Variants in SELENOT observed in about 807,000 individuals in gnomAD.
The protein encoded by SELENOT is thioredoxin reductase-like selenoprotein T.
A neutral mutation model predicts 24.3 loss-of-function variants in SELENOT; 9 were observed. The ratio of observed to expected loss-of-function variants is 0.37; its 90% CI spans 0.22 to 0.65. The LOEUF is 0.65. SELENOT is among the 30% of genes least tolerant of loss of function. SELENOT has a pLI of 0.60. For missense variants in SELENOT, 166 were observed against 247.6 expected, an observed-to-expected ratio of 0.67 and a Z score of 2.21; for synonymous variants, 81 against 86.0, an observed-to-expected ratio of 0.94 and a Z score of 0.32.
At chr3:150,611,984 C>T (rs923400040) in intron 1 of SELENOT, 1 of 576,308 alleles carries the variant, frequency 1.7e-6, no homozygotes, top group Non-Finnish European at 3.0e-6. Flanking sequence ...GGCAGAACAC[C>T]AACTGGGCCT....
intron 1 of SELENOT, among the ~76,000 whole-genome samples, chr3:150,609,712 G>A (rs1726039830): frequency 6.6e-6 from 1 of 152,174 alleles, no homozygotes; most frequent in African/African-American, 2.4e-5. Flanking sequence ...TGGGAGCATG[G>A]ATAGTATCTT....
At chr3:150,615,795 A>G (rs1302631543) in intron 1 of SELENOT, among the ~76,000 whole-genome samples, 3 of 152,112 alleles carry the variant, frequency 2.0e-5, no homozygotes, top group Admixed American at 6.5e-5. Context: ...TACAGATTCA[A>G]TGCCATCCCC....
chr3:150,625,716 T>G (rs1339639786), intron 4 of SELENOT, among the ~76,000 whole-genome samples: 3 of 152,206 alleles, frequency 2.0e-5, no homozygotes, highest in Non-Finnish European at 4.4e-5. Context: ...AAAGTTTTGC[T>G]TTGCATCAGT....
At chr3:150,614,851 ATTT>A (rs1726176297) in intron 1 of SELENOT, among the ~76,000 whole-genome samples, 1 of 151,478 alleles carries the variant, frequency 6.6e-6, no homozygotes, top group Non-Finnish European at 1.5e-5. Context: ...CATTTTATTT[ATTT>A]ATTTATTATT....
At chr3:150,620,220 TA>T (rs1726309486) in intron 1 of SELENOT, among the ~76,000 whole-genome samples, 2 of 152,190 alleles carry the variant, frequency 1.3e-5, no homozygotes, top group Admixed American at 6.5e-5. Flanking sequence ...GGGTTTCCCT[TA>T]AGGGACTTCT....
At position 150,612,336 on chromosome 3, in the gene SELENOT, G is replaced by A. The variant is rs558837313; in HGVS notation, c.137+8837G>A. Among the ~76,000 whole-genome samples the A allele has an allele frequency of 2.0e-5, 3 of 152,168 alleles. No homozygotes were observed. In the South Asian group the frequency reaches 6.2e-4, roughly 32 times the overall value. ...TCAAACTCCTGACCCTAAGTGATTG[G>A]CCCTCCTCGGCCTCCCAAAGTGCTG... is the stretch of plus-strand genomic sequence containing the variant. On this transcript the variant is annotated intron_variant, in intron 1 of 5. Transcript: ENST00000471696.
chr3:150,610,134 G>C (rs761006240), intron 1 of SELENOT, among the ~76,000 whole-genome samples: 8 of 152,264 alleles, frequency 5.3e-5, no homozygotes, highest in Non-Finnish European at 1.2e-4. Flanking sequence ...TTTTACTTAT[G>C]ATTGGTCTCT....
chr3:150,603,332 G>A lies in SELENOT; in HGVS notation c.-31G>A. 6.2e-7 allele frequency: 1 copy of A among 1,603,650 alleles called. No homozygotes were observed. The highest frequency in any genetic ancestry group is 8.5e-7 in the Non-Finnish European group (1 of 1,172,610). ...GCTTTGGGCTGGCTGCAGTCTGTCTGAGGGCGGCCGAAGTGGCTGGCTCAT... is the reference window on the plus strand; with the variant it reads ...GCTTTGGGCTGGCTGCAGTCTGTCTAAGGGCGGCCGAAGTGGCTGGCTCAT... On this transcript the variant is annotated 5_prime_UTR_variant, in exon 1 of 6. Coordinates refer to ENST00000471696, the MANE Select transcript of SELENOT (RefSeq NM_016275.5).
At chr3:150,615,868 C>T (rs1247475237) in intron 1 of SELENOT, among the ~76,000 whole-genome samples, 1 of 150,912 alleles carries the variant, frequency 6.6e-6, no homozygotes, top group African/African-American at 2.4e-5. Context: ...TCATATGGAA[C>T]CAAAAAAGAG....
chr3:150,627,488 G>T (rs17493950), intron 5 of SELENOT, among the ~76,000 whole-genome samples, 171 bp from the exon 6 acceptor site: 8,821 of 152,208 alleles, frequency 0.058, 330 homozygotes, highest in Non-Finnish European at 0.082. Flanking sequence ...ATTAGTTCCT[G>T]GGAGTATGCA....
chr3:150,621,106 G>T (rs1450625729), intron 1 of SELENOT, among the ~76,000 whole-genome samples: 1 of 152,142 alleles, frequency 6.6e-6, no homozygotes, highest in Non-Finnish European at 1.5e-5. Flanking sequence ...AACATTAGGT[G>T]GATGTTAAGG....
At chr3:150,623,264 C>G in intron 3 of SELENOT, 95 bp downstream of exon 3, 1 of 1,115,054 alleles carries the variant, frequency 9.0e-7, no homozygotes, top group Non-Finnish European at 1.2e-6. Flanking sequence ...GTTATTGATT[C>G]ACCTGTTAAC....
At chr3:150,605,330 T>C (rs1413834996) in intron 1 of SELENOT, among the ~76,000 whole-genome samples, 2 of 152,194 alleles carry the variant, frequency 1.3e-5, no homozygotes, top group South Asian at 2.1e-4. Context: ...TTTGCTTTTT[T>C]TGGAACACTT....
intron 1 of SELENOT, among the ~76,000 whole-genome samples, chr3:150,612,101 T>C (rs927850277): frequency 2.9e-4 from 44 of 151,476 alleles, no homozygotes; most frequent in African/African-American, 9.4e-4. Context: ...TCTTCAGCTT[T>C]TTTTTTTTTT....
At chr3:150,611,746 C>G in intron 1 of SELENOT, 1 of 1,440,474 alleles carries the variant, frequency 6.9e-7, no homozygotes, top group Admixed American at 1.7e-5. Context: ...GCCTGGCCGC[C>G]CCCAGGGGCC....
At chr3:150,609,641 C>T (rs902416650) in intron 1 of SELENOT, among the ~76,000 whole-genome samples, 13 of 152,152 alleles carry the variant, frequency 8.5e-5, no homozygotes, top group Admixed American at 6.5e-4. Context: ...GCCCCCTTGC[C>T]CAGCCTTGGT....
intron 1 of SELENOT, among the ~76,000 whole-genome samples, chr3:150,617,728 C>T (rs781513061): frequency 2.6e-5 from 4 of 151,980 alleles, no homozygotes; most frequent in African/African-American, 7.3e-5. Context: ...AATATAGTTC[C>T]TTAACCTGAT....
chr3:150,609,135 A>G (rs1315219353), intron 1 of SELENOT, among the ~76,000 whole-genome samples: 2 of 152,196 alleles, frequency 1.3e-5, no homozygotes, highest in Non-Finnish European at 2.9e-5. Flanking sequence ...TGGGTTTGTC[A>G]GAGATGGCTC....
chr3:150,606,438 ATTAC>A (rs1725963683), intron 1 of SELENOT, among the ~76,000 whole-genome samples: 2 of 152,188 alleles, frequency 1.3e-5, no homozygotes, highest in Admixed American at 1.3e-4. Context: ...CTGGCACAGT[ATTAC>A]TTGTGTATCT....
Sources: gnomAD v4.1 joint callset for allele counts (sites outside exome capture counted in the v4.1 genomes callset) on GRCh38, gnomAD v4.1.1 for gene constraint, MANE v1.5 for transcripts, NCBI Gene and HGNC (gene_info 2026-07-23, HGNC 2026-07-21) for gene names.